The following ZNF469 variants were observed in gnomAD, a reference collection of about 807,000 sequenced individuals.
ZNF469 encodes the protein zinc finger protein 469.
ZNF469 carries 1 observed loss-of-function variant against 1.0 expected under a neutral mutation model. The observed-to-expected ratio is 1.00, with a 90% CI of 0.35 to 4.73. The LOEUF (loss-of-function observed/expected upper bound fraction) is 4.73. ZNF469 is among the 30% of genes most tolerant of loss of function. ZNF469 has a pLI of 0.16. For synonymous variants in ZNF469, 2,703 were observed against 2,363.4 expected, an observed-to-expected ratio of 1.14 and a Z score of -4.17; for missense variants, 6,100 against 5,356.3, an observed-to-expected ratio of 1.14 and a Z score of -4.33.
chr16:88,209,446 G>A, the ZNF469 span, among the ~76,000 whole-genome samples: 441 of 151,840 alleles, frequency 2.9e-3, 2 homozygotes, highest in African/African-American at 0.01. Flanking sequence ...ACCCGCCACC[G>A]CACCCAGCTA....
chr16:88,335,418 G>C, the ZNF469 span, among the ~76,000 whole-genome samples: 1 of 152,370 alleles, frequency 6.6e-6, no homozygotes, highest in East Asian at 1.9e-4. Context: ...AAAACTTCCA[G>C]GGCGGCCTTA....
upstream of ZNF469, among the ~76,000 whole-genome samples, chr16:88,382,728 T>A (rs919916557): frequency 7.2e-5 from 11 of 152,160 alleles, no homozygotes; most frequent in African/African-American, 2.4e-4. Flanking sequence ...AGACGTTTTT[T>A]AAGTTGTGCT....
In ZNF469 at chr16:88,439,760, C is replaced by G; in HGVS notation, c.*428C>G. ...GCCGTGGGATGGTGGTAGGTTCCCT[C>G]TTAGTCTTGCTGCTGTTGCTGGAAT... is the stretch of plus-strand genomic sequence containing the variant. On this transcript the variant is annotated 3_prime_UTR_variant, in exon 3 of 3. Transcript: ENST00000565624. 1 of 257,478 alleles carries G rather than the reference C, an allele frequency of 3.9e-6. No homozygotes were observed. The highest frequency in any genetic ancestry group is 4.7e-5 in the South Asian group (1 of 21,446). The allele number at this position is 257,478 out of a possible 1,614,324, so 15.9% of individuals were successfully genotyped here.
At chr16:88,334,467 A>G in the ZNF469 span, among the ~76,000 whole-genome samples, 1 of 152,196 alleles carries the variant, frequency 6.6e-6, no homozygotes, top group Non-Finnish European at 1.5e-5. Flanking sequence ...TCCCAAGAGC[A>G]TCATGTCAGA....
the ZNF469 span, chr16:88,194,330 G>A: frequency 1.2e-4 from 19 of 152,214 alleles, no homozygotes; most frequent in Non-Finnish European, 2.4e-4. Context: ...TTAGAGAAGG[G>A]GGTTCACCTG....
chr16:88,190,815 G>C, the ZNF469 span, among the ~76,000 whole-genome samples: 1 of 152,216 alleles, frequency 6.6e-6, no homozygotes, highest in South Asian at 2.1e-4. Flanking sequence ...TGGAGTATCA[G>C]TTTCCTGTTG....
At chr16:88,153,626 C>G in the ZNF469 span, among the ~76,000 whole-genome samples, 3 of 152,226 alleles carry the variant, frequency 2.0e-5, no homozygotes, top group Non-Finnish European at 4.4e-5. Context: ...CTGCGGGAGG[C>G]CTTGTGTTAG....
At chr16:88,365,180 C>A in the ZNF469 span, among the ~76,000 whole-genome samples, 4 of 152,302 alleles carry the variant, frequency 2.6e-5, no homozygotes, top group South Asian at 8.3e-4. Flanking sequence ...TCGAGCAGAC[C>A]TCCAGGCATC....
At chr16:88,407,008 G>T (rs1423108493) in intron 1 of ZNF469, among the ~76,000 whole-genome samples, 1 of 152,172 alleles carries the variant, frequency 6.6e-6, no homozygotes, top group Non-Finnish European at 1.5e-5. Context: ...TGTTTTAAGA[G>T]ACCAGGAGAT....
At chr16:88,352,716 T>G in the ZNF469 span, among the ~76,000 whole-genome samples, 15 of 152,282 alleles carry the variant, frequency 9.9e-5, no homozygotes, top group African/African-American at 3.6e-4. Context: ...CGTGGAAGAT[T>G]TCGAGGCTAC....
At chr16:88,398,326 C>T (rs1400260177) in intron 1 of ZNF469, among the ~76,000 whole-genome samples, 4 of 151,940 alleles carry the variant, frequency 2.6e-5, no homozygotes, top group African/African-American at 4.8e-5. Flanking sequence ...TGAAGGGCCA[C>T]GTGAGCCACG....
chr16:88,312,476 T>A, the ZNF469 span, among the ~76,000 whole-genome samples: 1 of 152,226 alleles, frequency 6.6e-6, no homozygotes, highest in Non-Finnish European at 1.5e-5. Flanking sequence ...TTCTCCCCAA[T>A]TCTTCACTTG....
chr16:88,260,734 T>A, the ZNF469 span, among the ~76,000 whole-genome samples: 5 of 152,132 alleles, frequency 3.3e-5, no homozygotes. This position sits in a 1 kb window ranked among gnomAD's most constrained non-coding sequence, Gnocchi z 4.1. Context: ...CAGATCCTAA[T>A]CCCTGGGACC....
chr16:88,391,718 G>A (rs548943226), intron 1 of ZNF469, among the ~76,000 whole-genome samples: 2 of 152,346 alleles, frequency 1.3e-5, no homozygotes, highest in South Asian at 2.1e-4. Context: ...GAGATGCGAG[G>A]GGACAGGCTT....
At chr16:88,168,439 G>A in the ZNF469 span, among the ~76,000 whole-genome samples, 3 of 152,228 alleles carry the variant, frequency 2.0e-5, no homozygotes, top group Non-Finnish European at 4.4e-5. The surrounding 1 kb of genome is among the most constrained non-coding windows in gnomAD (Gnocchi z 4.3). Flanking sequence ...GCCTGGGCTG[G>A]CTCATCAGTG....
chr16:88,161,589 C>T, the ZNF469 span, among the ~76,000 whole-genome samples: 77 of 152,226 alleles, frequency 5.1e-4, no homozygotes, highest in African/African-American at 1.8e-3. Flanking sequence ...AAGTGGCTCA[C>T]GAGGGTATCG....
the ZNF469 span, among the ~76,000 whole-genome samples, chr16:88,341,725 G>A: frequency 4.6e-5 from 7 of 152,182 alleles, no homozygotes; most frequent in Non-Finnish European, 1.0e-4. Flanking sequence ...GTGGTGCAGC[G>A]TCCACAGACT....
the ZNF469 span, among the ~76,000 whole-genome samples, chr16:88,246,849 GAGTGAATGAGCA>G: frequency 1.3e-5 from 2 of 151,638 alleles, no homozygotes; most frequent in East Asian, 3.9e-4. Flanking sequence ...GTGAATGAGT[GAGTGAATGAGCA>G]AGTGAATGAG....
chr16:88,239,148 G>A, the ZNF469 span, among the ~76,000 whole-genome samples: 4 of 152,124 alleles, frequency 2.6e-5, no homozygotes, highest in African/African-American at 9.6e-5. Context: ...CCATGGTGCG[G>A]GTGAGGGAGG....
Sources: allele counts gnomAD v4.1 joint callset (sites outside exome capture counted in the v4.1 genomes callset), GRCh38; gene constraint gnomAD v4.1.1; non-coding constraint Gnocchi (gnomAD v3.1); transcripts MANE v1.5; gene names NCBI Gene and HGNC (gene_info 2026-07-23, HGNC 2026-07-21).